Variants in LRMDA observed in about 807,000 individuals in gnomAD.
The protein encoded by LRMDA is leucine rich melanocyte differentiation associated, also known as leucine-rich melanocyte differentiation-associated protein.
In LRMDA, 18 loss-of-function variants were observed where a neutral mutation model predicts 29.8. The ratio of observed to expected loss-of-function variants is 0.60; its 90% CI spans 0.42 to 0.90. LRMDA has a LOEUF of 0.90. Ranked by LOEUF, LRMDA falls within the 40% of genes least tolerant of loss-of-function variation. The pLI is 0.00. For missense variants in LRMDA, 273 were observed against 273.9 expected, an observed-to-expected ratio of 1.00 and a Z score of 0.02; for synonymous variants, 125 against 109.4, an observed-to-expected ratio of 1.14 and a Z score of -0.89.
intron 2 of LRMDA, among the ~76,000 whole-genome samples, chr10:75,455,519 T>C (rs927249919): frequency 7.9e-5 from 12 of 152,172 alleles, no homozygotes; most frequent in African/African-American, 2.4e-4. Context: ...CTTTCAGTTC[T>C]CTCCTACTGG....
rs565460155 is a variant in LRMDA, at chr10:76,557,462, C to T, written c.*174C>T. ...CTTTGCCAGGCCTGTCAAGATGATC[C>T]TTCTGCCTTAGACTGAGTGGTCACA... On this transcript the variant is annotated 3_prime_UTR_variant, in exon 7 of 7. Coordinates refer to ENST00000611255, the MANE Select transcript of LRMDA (RefSeq NM_001305581.2). 22 of 626,520 alleles carry T rather than the reference C, an allele frequency of 3.5e-5. No individual in the cohort carries two copies. The South Asian group carries it at 3.9e-4, about 11-fold the overall frequency. The allele number at this position is 626,520 out of a possible 1,614,324, so 38.8% of individuals were successfully genotyped here.
chr10:76,397,239 G>A (rs193194040), intron 6 of LRMDA, among the ~76,000 whole-genome samples: 5 of 152,226 alleles, frequency 3.3e-5, no homozygotes, highest in African/African-American at 9.6e-5. Flanking sequence ...GAAGGAGGCC[G>A]GGCTTTGCTC....
At chr10:76,002,470 C>T (rs1368263554) in intron 2 of LRMDA, among the ~76,000 whole-genome samples, 2 of 152,128 alleles carry the variant, frequency 1.3e-5, no homozygotes, top group Non-Finnish European at 2.9e-5. Context: ...CCACTTTTAG[C>T]AGTGGTTAGC....
intron 5 of LRMDA, among the ~76,000 whole-genome samples, chr10:76,075,459 C>T (rs1848941639): frequency 6.6e-6 from 1 of 152,188 alleles, no homozygotes; most frequent in Non-Finnish European, 1.5e-5. Flanking sequence ...GACTCCAGAA[C>T]TATAAGAAAA....
intron 5 of LRMDA, among the ~76,000 whole-genome samples, chr10:76,254,340 C>CATACCATACCATCCT (rs759692334): frequency 3.2e-4 from 29 of 90,160 alleles, no homozygotes; most frequent in Middle Eastern, 6.3e-3. Context: ...CATACCATAC[C>CATACCATACCATCCT]ATCCTATCCT....
chr10:76,298,127 G>C (rs1252751219), intron 5 of LRMDA, among the ~76,000 whole-genome samples: 1 of 152,216 alleles, frequency 6.6e-6, no homozygotes, highest in African/African-American at 2.4e-5. Context: ...AGTTTAACTT[G>C]TGATCACTGA....
At chr10:76,540,062 CAT>C (rs1291722258) in intron 6 of LRMDA, among the ~76,000 whole-genome samples, 4 of 151,890 alleles carry the variant, frequency 2.6e-5, no homozygotes, top group African/African-American at 9.7e-5. Context: ...AGACACACAA[CAT>C]GTAGTATGTG....
chr10:75,496,512 A>G (rs771040285), intron 2 of LRMDA, among the ~76,000 whole-genome samples: 4 of 152,208 alleles, frequency 2.6e-5, no homozygotes, highest in Admixed American at 2.0e-4. Context: ...GCAATAGTCT[A>G]TATCTTAATT....
At chr10:76,528,493 TTA>T (rs1164063002) in intron 6 of LRMDA, among the ~76,000 whole-genome samples, 2 of 152,134 alleles carry the variant, frequency 1.3e-5, no homozygotes, top group Admixed American at 6.6e-5. Context: ...GACAGTGGAA[TTA>T]TATATGATTT....
At chr10:76,024,709 C>A (rs1308688701) in intron 2 of LRMDA, among the ~76,000 whole-genome samples, 1 of 152,164 alleles carries the variant, frequency 6.6e-6, no homozygotes, top group Non-Finnish European at 1.5e-5. Context: ...CCCTTGGGGT[C>A]CCTGGGGCTT....
At chr10:76,134,729 G>A (rs1850062125) in intron 5 of LRMDA, among the ~76,000 whole-genome samples, 1 of 151,894 alleles carries the variant, frequency 6.6e-6, no homozygotes, top group Admixed American at 6.6e-5. Context: ...TTGGTCAGGG[G>A]GTGGAAAGGA....
At chr10:76,128,223 A>C (rs989912225) in intron 5 of LRMDA, among the ~76,000 whole-genome samples, 14 of 152,192 alleles carry the variant, frequency 9.2e-5, no homozygotes, top group African/African-American at 3.4e-4. Context: ...TGGCAACAGG[A>C]GAAGCAGAAG....
At chr10:75,635,357 G>C (rs373544406) in intron 2 of LRMDA, among the ~76,000 whole-genome samples, 1 of 152,140 alleles carries the variant, frequency 6.6e-6, no homozygotes. Flanking sequence ...TTGGCCTTTC[G>C]CATGGTATGA....
intron 2 of LRMDA, among the ~76,000 whole-genome samples, chr10:75,961,223 T>C (rs1420160859): frequency 6.6e-6 from 1 of 152,250 alleles, no homozygotes; most frequent in Non-Finnish European, 1.5e-5. Context: ...AATATTTTGA[T>C]GTATTTCCTT....
At chr10:76,224,166 C>G (rs1407521125) in intron 5 of LRMDA, among the ~76,000 whole-genome samples, 1 of 151,592 alleles carries the variant, frequency 6.6e-6, no homozygotes, top group Non-Finnish European at 1.5e-5. Flanking sequence ...ACACATATAT[C>G]ATTATGTTAA....
At chr10:76,169,763 G>T (rs573561865) in intron 5 of LRMDA, among the ~76,000 whole-genome samples, 2 of 152,214 alleles carry the variant, frequency 1.3e-5, no homozygotes, top group African/African-American at 2.4e-5. Context: ...GTTCTCAAGG[G>T]TTTAAAAGCT....
At chr10:76,141,057 T>A (rs1850189699) in intron 5 of LRMDA, among the ~76,000 whole-genome samples, 1 of 152,014 alleles carries the variant, frequency 6.6e-6, no homozygotes, top group Admixed American at 6.6e-5. Context: ...CTTCTTTGAG[T>A]CTTGTATTTT....
intron 6 of LRMDA, among the ~76,000 whole-genome samples, chr10:76,478,691 T>C (rs1842704472): frequency 2.0e-5 from 3 of 151,982 alleles, no homozygotes; most frequent in Non-Finnish European, 4.4e-5. Flanking sequence ...ATGTGGCACA[T>C]ATACACCATG....
At chr10:76,254,647 G>A (rs964218371) in intron 5 of LRMDA, among the ~76,000 whole-genome samples, 8 of 151,902 alleles carry the variant, frequency 5.3e-5, no homozygotes, top group African/African-American at 1.9e-4. Flanking sequence ...TTTTGAATAT[G>A]TTCACTAAAT....
Sources: gnomAD v4.1 joint callset for allele counts (sites outside exome capture counted in the v4.1 genomes callset) on GRCh38, gnomAD v4.1.1 for gene constraint, MANE v1.5 for transcripts, NCBI Gene and HGNC (gene_info 2026-07-23, HGNC 2026-07-21) for gene names.